The following DRP2 variants were observed in gnomAD, a reference collection of about 807,000 sequenced individuals.
DRP2 encodes dystrophin related protein 2.
DRP2 carries 29 observed loss-of-function variants against 78.2 expected under a neutral mutation model. The observed-to-expected ratio is 0.37, with a 90% CI of 0.28 to 0.51. The LOEUF is 0.51. Among genes scored for constraint, DRP2 ranks in the 20% least tolerant of loss-of-function variants. DRP2 has a pLI of 0.94. For synonymous variants in DRP2, 290 were observed against 281.9 expected (o/e 1.03, Z -0.29); for missense variants, 686 against 770.6 (o/e 0.89, Z 1.30).
intron 14 of DRP2, among the ~76,000 whole-genome samples, chrX:101,249,366 G>C (rs1360771228): frequency 8.0e-5 from 9 of 112,337 alleles, no homozygotes; most frequent in Non-Finnish European, 1.7e-4. Flanking sequence ...ACAGGGAAGA[G>C]AACGTTTCCA....
intron 2 of DRP2, among the ~76,000 whole-genome samples, chrX:101,225,940 A>G (rs771251255): frequency 8.9e-6 from 1 of 111,855 alleles, no homozygotes; most frequent in African/African-American, 3.2e-5. Context: ...TCTCATTTTG[A>G]AAAGGGCAGA....
rs766238702 is a variant in DRP2 at position 101,254,875 on chromosome X, A to G, written c.2131A>G (p.Met711Val). ...DYSETPASSP[M>V]WPHADTHSRI... ...TTCTTCTAGGCCGGCTTCTTCCCCG[A>G]TGTGGCCACACGCCGACACACACTC... Residue 711 changes from methionine (M) to valine (V), a missense_variant, in exon 19 of 24, where the codon ATG becomes GTG. By Grantham distance (21) the Met-to-Val change is conservative. Transcript: ENST00000395209. The G allele has an allele frequency of 1.4e-4, 165 of 1,209,905 alleles. No individual in the cohort carries two copies. Among genetic ancestry groups the G allele is most frequent in the Non-Finnish European group, 1.8e-4 (164 of 895,251 alleles).
intron 22 of DRP2, among the ~76,000 whole-genome samples, chrX:101,258,785 C>T (rs1005628774): frequency 8.9e-6 from 1 of 111,741 alleles, no homozygotes; most frequent in Non-Finnish European, 1.9e-5. Context: ...CTGTGTGTCA[C>T]TCTCCAGCCA....
chrX:101,246,028 C>T (rs1408977907), intron 11 of DRP2, among the ~76,000 whole-genome samples: 1 of 112,297 alleles, frequency 8.9e-6, no homozygotes, highest in Non-Finnish European at 1.9e-5. Context: ...TGTCTCCAAA[C>T]TCATCAACTT....
chrX:101,237,913 GGCTA>G, intron 5 of DRP2, 138 bp downstream of exon 5: 5 of 624,815 alleles, frequency 8.0e-6, no homozygotes, highest in East Asian at 4.2e-5. Flanking sequence ...ATTAGTCTGT[GGCTA>G]GCATGCCACA....
At chrX:101,251,979 G>A (rs996302525) in intron 16 of DRP2, among the ~76,000 whole-genome samples, 8 of 111,892 alleles carry the variant, frequency 7.1e-5, no homozygotes, top group Non-Finnish European at 1.3e-4. Context: ...ATGAGCAAAT[G>A]AGGCACACAG....
intron 11 of DRP2, 73 bp from the exon 12 acceptor site, chrX:101,247,017 G>A: frequency 2.0e-6 from 2 of 999,745 alleles, no homozygotes; most frequent in Admixed American, 2.4e-5. Context: ...TCTGGTGGGT[G>A]TAAAATGGTA....
chrX:101,255,636 A>G (rs1923309042), intron 20 of DRP2, among the ~76,000 whole-genome samples: 1 of 111,230 alleles, frequency 9.0e-6, no homozygotes, highest in African/African-American at 3.3e-5. Flanking sequence ...GGGAGACATC[A>G]GGGACTTGGC....
At position 101,247,287 on chromosome X, in the gene DRP2, C is replaced by G. The variant is rs187225289; in HGVS notation, c.1252+123C>G. 1,542 of 584,230 alleles carry G rather than the reference C, an allele frequency of 2.6e-3. 8 individuals are homozygous for G. Among genetic ancestry groups the G allele is most frequent in the Non-Finnish European group, 2.9e-3 (1,098 of 377,168 alleles). The allele number at this position is 584,230 out of a possible 1,213,427, so 48.1% of individuals were successfully genotyped here. On this transcript the variant is annotated intron_variant, in intron 12 of 23. Transcript: ENST00000395209. The stretch of plus-strand genomic sequence containing the variant: ...TGTTGATTGGCTTGGTGGAAACTCT[C>G]CAAAGCCTGCAATATGCTAGCTGTC...
chrX:101,226,028 A>G (rs1397788799), intron 2 of DRP2, among the ~76,000 whole-genome samples: 1 of 111,937 alleles, frequency 8.9e-6, no homozygotes, highest in East Asian at 2.8e-4. Context: ...GCTCTTTTGT[A>G]TACTTCCAAA....
In DRP2 at chrX:101,243,415, AAC is replaced by A. The variant is rs1165577859; in HGVS notation, c.1054+437_1054+438del. Among the ~76,000 whole-genome samples the A allele has an allele frequency of 8.1e-3, 626 of 77,485 alleles. 11 individuals carry two copies. Among genetic ancestry groups the A allele is most frequent in the African/African-American group, 0.041 (541 of 13,138 alleles). 67.3% of individuals were successfully genotyped at this position (77,485 alleles called of 115,157 possible). Reference sequence around the variant, plus strand: ...TCCGTCTCAAAAAAAAAAAAAAAAAAACACAATCTCTCAAATCGGAGAGATCT... The same window carrying A: ...TCCGTCTCAAAAAAAAAAAAAAAAAAACAATCTCTCAAATCGGAGAGATCT... On this transcript the variant is annotated intron_variant, in intron 9 of 23. Coordinates refer to ENST00000395209, the MANE Select transcript of DRP2 (RefSeq NM_001939.3).
intron 6 of DRP2, 118 bp downstream of exon 6, chrX:101,239,219 T>A (rs1195696920): frequency 6.2e-6 from 6 of 967,658 alleles, no homozygotes; most frequent in Non-Finnish European, 6.9e-6. Flanking sequence ...GAGGATAGTT[T>A]CCCCCAGGAG....
rs2147356106 is a variant in DRP2, at chrX:101,260,169, G to A, written c.2749G>A (p.Asp917Asn). Residue 917 changes from aspartate to asparagine, a missense_variant and splice_region_variant, in exon 23 of 24, where the codon GAT (aspartate) becomes AAT (asparagine). Physicochemically the swap from Asp to Asn is conservative, Grantham distance 23. Coordinates refer to ENST00000395209, the MANE Select transcript of DRP2 (RefSeq NM_001939.3). Reference sequence around the variant, plus strand: ...GACTACTCCAGATACCGAGGCTGCAGGTGAGTTCCCCTGGCCTTTCCCAGC... The same window carrying A: ...GACTACTCCAGATACCGAGGCTGCAAGTGAGTTCCCCTGGCCTTTCCCAGC... ...GQTTPDTEAADDVGSKSQDVS... is the reference protein window; with the variant it reads ...GQTTPDTEAANDVGSKSQDVS... The A allele has an allele frequency of 8.3e-7, 1 of 1,211,272 alleles. No individual in the cohort carries two copies.
At chrX:101,224,788 G>T (rs1425109887) in intron 2 of DRP2, 82 bp downstream of exon 2, 1 of 112,528 alleles carries the variant, frequency 8.9e-6, no homozygotes, top group East Asian at 2.8e-4. Context: ...TATATGTGCC[G>T]ATAAGTGGCC....
At chrX:101,235,430 A>G (rs753381719) in intron 3 of DRP2, among the ~76,000 whole-genome samples, 3 of 112,238 alleles carry the variant, frequency 2.7e-5, no homozygotes, top group South Asian at 7.5e-4. Context: ...GGTTGGGTAA[A>G]CTGTAGGACC....
intron 16 of DRP2, among the ~76,000 whole-genome samples, chrX:101,251,971 G>A (rs929223198): frequency 8.9e-6 from 1 of 111,856 alleles, no homozygotes; most frequent in Non-Finnish European, 1.9e-5. Flanking sequence ...TTCGTAAGAT[G>A]AGCAAATGAG....
intron 3 of DRP2, among the ~76,000 whole-genome samples, chrX:101,234,419 C>T (rs775497328): frequency 2.7e-4 from 30 of 113,142 alleles, no homozygotes; most frequent in Middle Eastern, 4.6e-3. Context: ...GGGAGTGAAC[C>T]GGAATTCTCC....
Position 101,261,373 on chromosome X carries a change from T to C in DRP2, c.*752T>C, listed in dbSNP as rs1483103919. On this transcript the variant is annotated 3_prime_UTR_variant, in exon 24 of 24. Transcript: ENST00000395209. ...CCCCACATCTTCCTATTTCTTAAAG[T>C]CCTCAGCATTTTGAGAGACCCACTG... 1.8e-5 allele frequency: 2 copies of C among 110,785 alleles called. No homozygotes were observed. The highest frequency in any genetic ancestry group is 3.8e-5 in the Non-Finnish European group (2 of 52,942). The allele number at this position is 110,785 out of a possible 1,213,427, so 9.1% of individuals were successfully genotyped here.
At chrX:101,221,260 C>T (rs907089712) in intron 1 of DRP2, among the ~76,000 whole-genome samples, 4 of 113,202 alleles carry the variant, frequency 3.5e-5, no homozygotes, top group Non-Finnish European at 1.9e-5. Flanking sequence ...TCTAGTTCAT[C>T]TTAATTCCTG....
Sources: gnomAD v4.1 joint callset for allele counts (sites outside exome capture counted in the v4.1 genomes callset) on GRCh38, gnomAD v4.1.1 for gene constraint, MANE v1.5 for transcripts, NCBI Gene and HGNC (gene_info 2026-07-23, HGNC 2026-07-21) for gene names.